CTTNBP2: variants seen among roughly 807,000 people sequenced by gnomAD.
CTTNBP2 encodes cortactin-binding protein 2.
A neutral mutation model predicts 156.9 loss-of-function variants in CTTNBP2; 108 were observed. The ratio of observed to expected loss-of-function variants is 0.69; its 90% CI spans 0.59 to 0.81. The LOEUF (loss-of-function observed/expected upper bound fraction) is 0.81, where lower values mean the gene tolerates loss of function less well. CTTNBP2 is among the 30% of genes least tolerant of loss of function. The probability of loss-of-function intolerance (pLI) is 0.00; values close to 1 mark genes in which losing one functional copy is unlikely to be tolerated. For synonymous variants in CTTNBP2, 767 were observed against 751.8 expected (o/e 1.02, Z -0.33); for missense variants, 1,924 against 2,035.4 (o/e 0.95, Z 1.05).
At chr7:117,817,361 A>AATATATATATATATATATATATATAT (rs59036381) in intron 2 of CTTNBP2, among the ~76,000 whole-genome samples, 1 of 53,300 alleles carries the variant, frequency 1.9e-5, no homozygotes, top group Non-Finnish European at 3.4e-5. Flanking sequence ...AAAAAAAAAA[A>AATATATATATATATATATATATATAT]ATATATATAT....
intron 2 of CTTNBP2, among the ~76,000 whole-genome samples, chr7:117,838,591 A>C (rs1055827940): frequency 6.6e-6 from 1 of 152,230 alleles, no homozygotes; most frequent in Non-Finnish European, 1.5e-5. Flanking sequence ...TATTCAAAAA[A>C]TTAATAGACA....
At chr7:117,729,703 A>C (rs1795299038) in intron 16 of CTTNBP2, among the ~76,000 whole-genome samples, 1 of 152,188 alleles carries the variant, frequency 6.6e-6, no homozygotes, top group South Asian at 2.1e-4. Flanking sequence ...ACCAGCTGGA[A>C]AAATGAGGAA....
intron 2 of CTTNBP2, among the ~76,000 whole-genome samples, chr7:117,837,272 C>A (rs200037760): frequency 6.6e-6 from 1 of 152,200 alleles, no homozygotes; most frequent in Non-Finnish European, 1.5e-5. Context: ...GTAACAACAA[C>A]AAAACCACCA....
intron 12 of CTTNBP2, among the ~76,000 whole-genome samples, chr7:117,747,989 T>C (rs555723216): frequency 1.3e-5 from 2 of 152,124 alleles, no homozygotes; most frequent in Admixed American, 1.3e-4. Context: ...CCCGTAATAT[T>C]CTCTGAGTTG....
intron 1 of CTTNBP2, among the ~76,000 whole-genome samples, chr7:117,862,124 T>C (rs988223948): frequency 6.6e-6 from 1 of 152,010 alleles, no homozygotes; most frequent in Admixed American, 6.5e-5. Context: ...CTGCCATCCA[T>C]GTGTGGTCAT....
intron 2 of CTTNBP2, among the ~76,000 whole-genome samples, chr7:117,820,924 T>C (rs1800924711): frequency 1.3e-5 from 2 of 152,194 alleles, no homozygotes; most frequent in South Asian, 2.1e-4. Flanking sequence ...TCTCAGCAAT[T>C]TTCATTTTGT....
chr7:117,796,758 T>C (rs1051027697), intron 3 of CTTNBP2, among the ~76,000 whole-genome samples: 1 of 152,218 alleles, frequency 6.6e-6, no homozygotes, highest in African/African-American at 2.4e-5. Flanking sequence ...ACTAGAGGCA[T>C]ACAAAAATCT....
intron 2 of CTTNBP2, among the ~76,000 whole-genome samples, chr7:117,835,212 C>T (rs1456214631): frequency 5.3e-5 from 8 of 152,200 alleles, no homozygotes; most frequent in African/African-American, 1.9e-4. Flanking sequence ...TCTCTCTGAG[C>T]CCTAAGGATG....
At chr7:117,742,836 G>GT in intron 14 of CTTNBP2, among the ~76,000 whole-genome samples, 1 of 152,180 alleles carries the variant, frequency 6.6e-6, no homozygotes, top group Non-Finnish European at 1.5e-5. Context: ...TGGATTTCTG[G>GT]CTTCTTCCTG....
intron 2 of CTTNBP2, among the ~76,000 whole-genome samples, chr7:117,834,964 G>A (rs1189811171): frequency 6.6e-6 from 1 of 152,206 alleles, no homozygotes; most frequent in Non-Finnish European, 1.5e-5. Context: ...TTTACTTAGA[G>A]TTGCCTCTTG....
intron 3 of CTTNBP2, among the ~76,000 whole-genome samples, chr7:117,802,633 A>G (rs922387998): frequency 2.0e-5 from 3 of 152,180 alleles, no homozygotes; most frequent in African/African-American, 4.8e-5. Flanking sequence ...TTCATAAACT[A>G]TGCATCTGAC....
intron 18 of CTTNBP2, 28 bp downstream of exon 18, chr7:117,725,024 C>T (rs771084610): frequency 8.7e-6 from 14 of 1,600,782 alleles, no homozygotes; most frequent in Non-Finnish European, 1.2e-5. Flanking sequence ...GTGTGAATTT[C>T]CTCTCCTCTC....
chr7:117,719,468 T>A, intron 21 of CTTNBP2, 36 bp downstream of exon 21: 1 of 1,586,054 alleles, frequency 6.3e-7, no homozygotes, highest in African/African-American at 1.3e-5. Flanking sequence ...AGCTGTTGAG[T>A]AGAGCCATTC....
At chr7:117,770,789 T>A (rs1797758094) in intron 8 of CTTNBP2, among the ~76,000 whole-genome samples, 1 of 152,136 alleles carries the variant, frequency 6.6e-6, no homozygotes, top group South Asian at 2.1e-4. Context: ...TCTCTCCTTG[T>A]TGAATGGGAT....
At chr7:117,864,559 T>C (rs972919918) in intron 1 of CTTNBP2, among the ~76,000 whole-genome samples, 1 of 134,086 alleles carries the variant, frequency 7.5e-6, no homozygotes, top group Non-Finnish European at 1.7e-5. Flanking sequence ...TTTATAAATA[T>C]AAAGCACTTT....
intron 2 of CTTNBP2, among the ~76,000 whole-genome samples, chr7:117,815,627 A>T (rs866770258): frequency 1.3e-5 from 2 of 152,144 alleles, no homozygotes; most frequent in Non-Finnish European, 2.9e-5. Flanking sequence ...GACTCCCACA[A>T]ATGTATGCAG....
At chr7:117,842,606 C>G (rs1392591455) in intron 2 of CTTNBP2, among the ~76,000 whole-genome samples, 1 of 152,028 alleles carries the variant, frequency 6.6e-6, no homozygotes, top group Non-Finnish European at 1.5e-5. Context: ...AACAACAGAA[C>G]TAGGTAATGT....
At chr7:117,766,947 C>A in intron 9 of CTTNBP2, 112 bp downstream of exon 9, 1 of 696,812 alleles carries the variant, frequency 1.4e-6, no homozygotes, top group Non-Finnish European at 2.6e-6. Context: ...ATAGCTAGGG[C>A]TCCAAAAAGG....
chr7:117,715,155 C>T (rs1039304020), intron 22 of CTTNBP2, among the ~76,000 whole-genome samples: 8 of 151,966 alleles, frequency 5.3e-5, no homozygotes, highest in African/African-American at 1.9e-4. Context: ...AAAAGAACAA[C>T]ATGTAGGGAA....
Sources: gnomAD v4.1 joint callset for allele counts (sites outside exome capture counted in the v4.1 genomes callset) on GRCh38, gnomAD v4.1.1 for gene constraint, MANE v1.5 for transcripts, NCBI Gene and HGNC (gene_info 2026-07-23, HGNC 2026-07-21) for gene names.